SLFN11: variants seen among roughly 807,000 people sequenced by gnomAD.
The protein encoded by SLFN11 is schlafen family member 11.
Under a neutral mutation model 53.4 loss-of-function variants are expected in SLFN11, and 43 were observed. The ratio of observed to expected loss-of-function variants is 0.80; its 90% CI spans 0.63 to 1.04. The LOEUF (loss-of-function observed/expected upper bound fraction) is 1.04, where lower values mean the gene tolerates loss of function less well. SLFN11 is among the 50% of genes least tolerant of loss of function. The pLI is 0.00. For missense variants in SLFN11, 990 were observed against 1,079.1 expected, an observed-to-expected ratio of 0.92 and a Z score of 1.16; for synonymous variants, 389 against 394.7, an observed-to-expected ratio of 0.99 and a Z score of 0.17.
Position 35,350,863 on chromosome 17 carries a change from A to T in SLFN11, c.*1493T>A, listed in dbSNP as rs1567812187. The T allele has an allele frequency of 1.3e-5, 2 of 152,216 alleles. No homozygotes were observed. The highest frequency in any genetic ancestry group is 6.5e-5 in the Admixed American group (1 of 15,284). The allele number at this position is 152,216 out of a possible 1,614,324, so 9.4% of individuals were successfully genotyped here. A position where few individuals can be genotyped will look rare whatever the true frequency, so the allele number is the denominator to read the frequency against. On this transcript the variant is annotated 3_prime_UTR_variant, in exon 7 of 7. Coordinates refer to ENST00000685675, the MANE Select transcript of SLFN11 (RefSeq NM_001376007.1). ...CAATAAGTGAAATATTGGTCATATG[A>T]TTTCTTAGTTTCCATTAGTTATGCA...
chr17:35,367,967 C>T (rs1020325655), intron 1 of SLFN11, among the ~76,000 whole-genome samples: 5 of 152,006 alleles, frequency 3.3e-5, no homozygotes, highest in Admixed American at 1.3e-4. Flanking sequence ...CACCCCCAAG[C>T]GAGGGGCTCA....
At chr17:35,354,105 AT>A (rs1269294521) in intron 5 of SLFN11, 46 bp from the exon 6 acceptor site, 1 of 1,475,434 alleles carries the variant, frequency 6.8e-7, no homozygotes, top group African/African-American at 1.4e-5. Flanking sequence ...AAATAACCCT[AT>A]TGATTAAGAT....
At chr17:35,365,101 G>T (rs1908790706) in intron 3 of SLFN11, among the ~76,000 whole-genome samples, 1 of 152,048 alleles carries the variant, frequency 6.6e-6, no homozygotes, top group African/African-American at 2.4e-5. Context: ...GGTAAGGAAG[G>T]AATGTGATCC....
Position 35,353,781 on chromosome 17 carries a change from T to G in SLFN11, c.1477A>C (p.Thr493Pro). 1 of 1,559,272 alleles carries G rather than the reference T, an allele frequency of 6.4e-7. No individual in the cohort carries two copies. Among genetic ancestry groups the G allele is most frequent in the Non-Finnish European group, 8.7e-7 (1 of 1,150,786 alleles). ...ATGTTCACTAGCTTCTGCTTCAAAG[T>G]AAAGGCGGTGCGAGTGCAGTAGTCC... The part of the protein sequence containing the change: ...GQDYCTRTAF[T>P]LKQKLVNMGG... The change falls in exon 6 of 7, where the codon ACT (threonine) becomes CCT (proline). Residue 493 changes from threonine (T) to proline (P), a missense_variant. Thr to Pro is a conservative substitution (Grantham distance 38). Transcript: ENST00000685675.
Position 35,363,796 on chromosome 17 carries a change from A to C in SLFN11, c.12T>G (p.Asn4Lys). The C allele has an allele frequency of 6.4e-7, 1 of 1,572,306 alleles. No individual in the cohort carries two copies. The change falls in exon 4 of 7, where the codon AAT becomes AAG. Residue 4 changes from asparagine (N) to lysine (K), a missense_variant. Coordinates refer to ENST00000685675, the MANE Select transcript of SLFN11 (RefSeq NM_001376007.1). MEA[N>K]QCPLVVEPSY... ...ATGGTTCCACAACCAGGGGGCACTG[A>C]TTTGCCTCCATGTTGAACTCACAGC... is the stretch of plus-strand genomic sequence containing the variant.
Position 35,366,962 on chromosome 17 carries a change from C to T in SLFN11, c.-35G>A, listed in dbSNP as rs1180654704. The T allele has an allele frequency of 6.6e-6, 1 of 151,694 alleles. No homozygotes were observed. Among genetic ancestry groups the T allele is most frequent in the Non-Finnish European group, 1.5e-5 (1 of 67,972 alleles). 9.4% of individuals were successfully genotyped at this position (151,694 alleles called of 1,614,324 possible). A position where few individuals can be genotyped will look rare whatever the true frequency, so the allele number is the denominator to read the frequency against. On this transcript the variant is annotated 5_prime_UTR_variant, in exon 3 of 7. Transcript: ENST00000685675. ...TGGTACTCACCTGTGGTCCCAGCTA[C>T]TCAGGCGGCTGAGGTGAGAGAATCA...
chr17:35,355,696 A>G (rs777794282), intron 5 of SLFN11, among the ~76,000 whole-genome samples: 5 of 152,140 alleles, frequency 3.3e-5, no homozygotes, highest in Non-Finnish European at 7.3e-5. Context: ...GATATTCCAC[A>G]TAACAGTAAT....
chr17:35,370,840 T>A (rs775099343), intron 1 of SLFN11, among the ~76,000 whole-genome samples: 1 of 151,946 alleles, frequency 6.6e-6, no homozygotes, highest in Non-Finnish European at 1.5e-5. Context: ...AAAGGGGAAA[T>A]ATACCCATGT....
At position 35,361,452 on chromosome 17, in the gene SLFN11, C is replaced by A. The variant is rs73290552; in HGVS notation, c.1070-1081G>T. On this transcript the variant is annotated intron_variant, in intron 4 of 6. Coordinates refer to ENST00000685675, the MANE Select transcript of SLFN11 (RefSeq NM_001376007.1). Reference sequence around the variant, plus strand: ...ACCCCTACCCCCGTGACCCTCATCACCCTGAAATACTTTCTGTTCTTTTGT... The same window carrying A: ...ACCCCTACCCCCGTGACCCTCATCAACCTGAAATACTTTCTGTTCTTTTGT... Among the ~76,000 whole-genome samples, 504 of 152,154 alleles carry A rather than the reference C, an allele frequency of 3.3e-3. 4 individuals are homozygous for A. Among genetic ancestry groups the A allele is most frequent in the African/African-American group, 0.012 (484 of 41,520 alleles).
chr17:35,361,671 C>A lies in SLFN11; in HGVS notation c.1069+1068G>T, dbSNP rs564170834. Among the ~76,000 whole-genome samples, 3 of 152,136 alleles carry A rather than the reference C, an allele frequency of 2.0e-5. No individual in the cohort carries two copies. In the East Asian group the frequency reaches 5.8e-4, roughly 29 times the overall value. ...TCCTGAGCTACAAAATCAACAATGT[C>A]CTCAAGGATCAAGAGATAAACTACA... On this transcript the variant is annotated intron_variant, in intron 4 of 6. Transcript: ENST00000685675.
rs77814639 is a variant in SLFN11, at chr17:35,351,808, A to G, written c.*548T>C. On this transcript the variant is annotated 3_prime_UTR_variant, in exon 7 of 7. Coordinates refer to ENST00000685675, the MANE Select transcript of SLFN11 (RefSeq NM_001376007.1). The stretch of plus-strand genomic sequence containing the variant: ...CATAACGGTATTCTTTGTCCTGACA[A>G]AATTATTAATCTGACAGTGACTGAA... The G allele has an allele frequency of 0.11, 16,144 of 153,690 alleles. 1,156 individuals are homozygous for G. The highest frequency in any genetic ancestry group is 0.16 in the East Asian group (835 of 5,186). 9.5% of individuals were successfully genotyped at this position (153,690 alleles called of 1,614,324 possible). A position where few individuals can be genotyped will look rare whatever the true frequency, so the allele number is the denominator to read the frequency against.
intron 1 of SLFN11, among the ~76,000 whole-genome samples, chr17:35,371,600 A>T (rs1909669204): frequency 6.6e-6 from 1 of 152,116 alleles, no homozygotes; most frequent in Admixed American, 6.5e-5. Flanking sequence ...ACCAGAACAT[A>T]TCAGGAGCTC....
Position 35,353,647 on chromosome 17 carries a change from C to A in SLFN11, c.1611G>T (p.Ala537=), listed in dbSNP as rs748805736. Residue 537 remains alanine, a synonymous_variant, in exon 6 of 7, where the codon GCG becomes GCT. Transcript: ENST00000685675. Reference sequence around the variant, plus strand: ...GCTGGGTGCCTGCAAGGCTATAGGACGCAGGGTAATCCATCGGAGACACTG... The same window carrying A: ...GCTGGGTGCCTGCAAGGCTATAGGAAGCAGGGTAATCCATCGGAGACACTG... The part of the protein sequence containing the change: ...EAAVSPMDYP[A]SYSLAGTQHM... 8.7e-7 allele frequency: 1 copy of A among 1,144,334 alleles called. No homozygotes were observed. The highest frequency in any genetic ancestry group is 2.6e-5 in the East Asian group (1 of 38,340). The allele number at this position is 1,144,334 out of a possible 1,614,324, so 70.9% of individuals were successfully genotyped here. A position where few individuals can be genotyped will look rare whatever the true frequency, so the allele number is the denominator to read the frequency against.
chr17:35,360,870 T>C (rs559190101), intron 4 of SLFN11, among the ~76,000 whole-genome samples: 2 of 152,110 alleles, frequency 1.3e-5, no homozygotes, highest in South Asian at 4.1e-4. Flanking sequence ...CTCAAGAGAC[T>C]GAAGTGAGAG....
intron 1 of SLFN11, among the ~76,000 whole-genome samples, chr17:35,372,888 G>T (rs866371570): frequency 1.1e-4 from 17 of 152,062 alleles, no homozygotes; most frequent in Non-Finnish European, 2.2e-4. Context: ...GGGGTAGCAC[G>T]TGTATTCTAC....
At position 35,365,120 on chromosome 17, in the gene SLFN11, G is replaced by A. The variant is rs1052692679; in HGVS notation, c.-19-1294C>T. On this transcript the variant is annotated intron_variant, in intron 3 of 6. Coordinates refer to ENST00000685675, the MANE Select transcript of SLFN11 (RefSeq NM_001376007.1). ...AGGAAGGAATGTGATCCAGGATGCA[G>A]AAGAAGGTCAGGAGGAGGAGAAATG... 1.4e-4 allele frequency among the ~76,000 whole-genome samples: 21 copies of A among 152,126 alleles called. No homozygotes were observed. The East Asian group carries it at 3.5e-3, about 25-fold the overall frequency.
Position 35,373,167 on chromosome 17 carries a change from G to A in SLFN11, c.-235+307C>T, listed in dbSNP as rs114442143. Reference sequence around the variant, plus strand: ...GGCTTCGGTTCCTGCTCCGCGCCCCGCAGAAACCGCGGCTGGCTGGCCAGG... The same window carrying A: ...GGCTTCGGTTCCTGCTCCGCGCCCCACAGAAACCGCGGCTGGCTGGCCAGG... On this transcript the variant is annotated intron_variant, in intron 1 of 6. Transcript: ENST00000685675. Among the ~76,000 whole-genome samples the A allele has an allele frequency of 9.0e-3, 1,371 of 152,064 alleles. 22 individuals carry two copies. The highest frequency in any genetic ancestry group is 0.031 in the African/African-American group (1,299 of 41,496).
At chr17:35,371,327 G>A (rs1177126554) in intron 1 of SLFN11, among the ~76,000 whole-genome samples, 1 of 152,054 alleles carries the variant, frequency 6.6e-6, no homozygotes, top group Non-Finnish European at 1.5e-5. Flanking sequence ...AAACGAAAAT[G>A]GGTTAAAGAC....
intron 1 of SLFN11, among the ~76,000 whole-genome samples, chr17:35,372,942 C>G (rs1480226546): frequency 3.3e-5 from 5 of 152,126 alleles, no homozygotes; most frequent in Non-Finnish European, 7.4e-5. Context: ...TCTCCCCCCT[C>G]TAGATTATAA....
Sources: gnomAD v4.1 joint callset for allele counts (sites outside exome capture counted in the v4.1 genomes callset) on GRCh38, gnomAD v4.1.1 for gene constraint, MANE v1.5 for transcripts, NCBI Gene and HGNC (gene_info 2026-07-23, HGNC 2026-07-21) for gene names.